The following PHKB variants were observed in gnomAD, a reference collection of about 807,000 sequenced individuals.
The protein encoded by PHKB is phosphorylase b kinase regulatory subunit beta.
In PHKB, 122 loss-of-function variants were observed where a neutral mutation model predicts 152.1. The ratio of observed to expected loss-of-function variants is 0.80; its 90% CI spans 0.69 to 0.93. The LOEUF (loss-of-function observed/expected upper bound fraction) is 0.93, where lower values mean the gene tolerates loss of function less well. PHKB is among the 40% of genes least tolerant of loss of function. The probability of loss-of-function intolerance (pLI) is 0.00; values close to 1 mark genes in which losing one functional copy is unlikely to be tolerated. For missense variants in PHKB, 1,304 were observed against 1,328.4 expected, an observed-to-expected ratio of 0.98 and a Z score of 0.29; for synonymous variants, 436 against 464.9, an observed-to-expected ratio of 0.94 and a Z score of 0.80.
rs1974232237 is a variant in PHKB, at chr16:47,700,621, A to T, written c.*1255A>T. The T allele has an allele frequency of 6.6e-6, 1 of 152,116 alleles. No individual in the cohort carries two copies. The highest frequency in any genetic ancestry group is 2.4e-5 in the African/African-American group (1 of 41,454). 9.4% of individuals were successfully genotyped at this position (152,116 alleles called of 1,614,324 possible). On this transcript the variant is annotated 3_prime_UTR_variant, in exon 31 of 31. Coordinates refer to ENST00000323584, the MANE Select transcript of PHKB (RefSeq NM_000293.3). ...CCCAGTTTACTTAAACTTTAATGAA[A>T]GTAGAAAGTAGATTAAACATTTAAA...
intron 8 of PHKB, among the ~76,000 whole-genome samples, chr16:47,584,641 C>T (rs560733934): frequency 3.9e-5 from 6 of 152,126 alleles, no homozygotes; most frequent in South Asian, 4.1e-4. Flanking sequence ...ATACCCTTTC[C>T]GGAAGAATAC....
intron 2 of PHKB, among the ~76,000 whole-genome samples, chr16:47,499,529 G>A (rs1182889622): frequency 1.3e-5 from 2 of 152,180 alleles, no homozygotes; most frequent in African/African-American, 2.4e-5. Flanking sequence ...GTCCTAATTA[G>A]CTGAGTCCTT....
intron 1 of PHKB, among the ~76,000 whole-genome samples, chr16:47,482,418 G>T (rs1386274773): frequency 2.0e-5 from 3 of 152,112 alleles, no homozygotes; most frequent in Non-Finnish European, 4.4e-5. Context: ...AGTTTATTGT[G>T]TTTTTTCCTG....
rs1032015158 is a variant in PHKB, at chr16:47,508,446, T to A, written c.406-3219T>A. 1.2e-4 allele frequency among the ~76,000 whole-genome samples: 18 copies of A among 152,154 alleles called. No homozygotes were observed. In the East Asian group the frequency reaches 1.9e-3, roughly 16 times the overall value. ...TGTTGCTGTATCTATCTACTGAAAA[T>A]TTTTTTTAAATGCTAGTTTCTAATT... On this transcript the variant is annotated intron_variant, in intron 4 of 30. Transcript: ENST00000323584.
chr16:47,521,191 T>C (rs1970679534), intron 6 of PHKB, among the ~76,000 whole-genome samples: 4 of 152,220 alleles, frequency 2.6e-5, no homozygotes, highest in Non-Finnish European at 4.4e-5. Context: ...CATTTGCATA[T>C]AGTAATAGTT....
intron 26 of PHKB, among the ~76,000 whole-genome samples, chr16:47,669,719 G>A (rs1304228306): frequency 6.6e-6 from 1 of 152,172 alleles, no homozygotes; most frequent in Non-Finnish European, 1.5e-5. Flanking sequence ...CACAGTACTT[G>A]CAAAAATTCC....
intron 24 of PHKB, 52 bp downstream of exon 24, chr16:47,663,786 G>A (rs374046197): frequency 1.4e-5 from 15 of 1,046,832 alleles, no homozygotes; most frequent in African/African-American, 6.2e-5. Flanking sequence ...TGTTATATTC[G>A]ATAGCCTAAA....
chr16:47,658,501 G>A (rs72800682), intron 20 of PHKB, among the ~76,000 whole-genome samples: 5,348 of 152,128 alleles, frequency 0.035, 117 homozygotes, highest in Non-Finnish European at 0.057. Flanking sequence ...TATACACAGA[G>A]AGGGTCATAT....
intron 27 of PHKB, among the ~76,000 whole-genome samples, chr16:47,690,939 G>A (rs1974048783): frequency 6.6e-6 from 1 of 152,128 alleles, no homozygotes; most frequent in African/African-American, 2.4e-5. Flanking sequence ...GGCATGATGG[G>A]CCGGGCATGG....
chr16:47,568,711 G>A (rs1043862093), intron 7 of PHKB, among the ~76,000 whole-genome samples: 5 of 152,056 alleles, frequency 3.3e-5, no homozygotes, highest in African/African-American at 1.2e-4. Context: ...AGGAATTTGG[G>A]TAACTTGTGT....
At chr16:47,588,793 G>A (rs536472690) in intron 9 of PHKB, 112 bp from the exon 10 acceptor site, 2 of 846,860 alleles carry the variant, frequency 2.4e-6, no homozygotes, top group Non-Finnish European at 4.0e-6. Context: ...AGCAGAGCGT[G>A]CTCACTTTTG....
At chr16:47,663,446 G>A (rs1044624608) in intron 23 of PHKB, among the ~76,000 whole-genome samples, 12 of 152,058 alleles carry the variant, frequency 7.9e-5, no homozygotes, top group Non-Finnish European at 7.4e-5. Context: ...GTTGAATTTC[G>A]AGAAATAAAA....
intron 1 of PHKB, among the ~76,000 whole-genome samples, chr16:47,466,552 A>AT (rs1969672338): frequency 6.6e-6 from 1 of 152,214 alleles, no homozygotes; most frequent in Admixed American, 6.5e-5. Context: ...TCATGAGCTT[A>AT]TCTACCTTGG....
intron 2 of PHKB, among the ~76,000 whole-genome samples, 189 bp downstream of exon 2, chr16:47,497,677 T>C (rs760549511): frequency 6.6e-6 from 1 of 152,194 alleles, no homozygotes; most frequent in Non-Finnish European, 1.5e-5. Flanking sequence ...ATCTGGCAGA[T>C]CATATCTGGC....
rs1306781784 is a variant in PHKB, at chr16:47,693,366, CT to C, written c.2766-8del. 1 of 1,613,742 alleles carries C rather than the reference CT, an allele frequency of 6.2e-7. No homozygotes were observed. The highest frequency in any genetic ancestry group is 1.3e-5 in the African/African-American group (1 of 74,894). On this transcript the variant is annotated splice_polypyrimidine_tract_variant and intron_variant, in intron 27 of 30. Transcript: ENST00000323584. The stretch of plus-strand genomic sequence containing the variant: ...TGTTCTTCAACTCTGAGACATTTGC[CT>C]TTTGTTACAGATGTTGGCTGAACAG...
At chr16:47,656,929 A>C (rs1973348550) in intron 20 of PHKB, among the ~76,000 whole-genome samples, 1 of 152,026 alleles carries the variant, frequency 6.6e-6, no homozygotes, top group East Asian at 1.9e-4. Context: ...AAATCTCTAA[A>C]TGTAATTGGA....
rs1408550198 is a variant in PHKB, at chr16:47,601,550, A to G, written c.1363+5019A>G. ...GAAACCCCATCTCTACTAAAAATAC[A>G]AAAAATTAGCCAGCCATGATGGCAC... On this transcript the variant is annotated intron_variant, in intron 13 of 30. Transcript: ENST00000323584. Among the ~76,000 whole-genome samples the G allele has an allele frequency of 2.0e-5, 3 of 151,738 alleles. No homozygotes were observed. The East Asian group carries it at 5.9e-4, about 30-fold the overall frequency.
At chr16:47,668,752 C>T (rs1245945691) in intron 25 of PHKB, among the ~76,000 whole-genome samples, 1 of 152,134 alleles carries the variant, frequency 6.6e-6, no homozygotes, top group Non-Finnish European at 1.5e-5. Context: ...CTCACACCTG[C>T]CTTTGAAAGG....
At chr16:47,545,934 G>C (rs1971154994) in intron 6 of PHKB, among the ~76,000 whole-genome samples, 1 of 152,154 alleles carries the variant, frequency 6.6e-6, no homozygotes, top group South Asian at 2.1e-4. Flanking sequence ...ATGGTTTTCA[G>C]CTCCATCAGA....
Sources: gnomAD v4.1 joint callset for allele counts (sites outside exome capture counted in the v4.1 genomes callset) on GRCh38, gnomAD v4.1.1 for gene constraint, MANE v1.5 for transcripts, NCBI Gene and HGNC (gene_info 2026-07-23, HGNC 2026-07-21) for gene names.